Variants in GRSF1 observed in about 807,000 individuals in gnomAD.
GRSF1 encodes the protein G-rich RNA sequence binding factor 1, also known as G-rich sequence factor 1.
GRSF1 carries 50 observed loss-of-function variants against 51.1 expected under a neutral mutation model. That is an observed-to-expected ratio of 0.98 (90% CI 0.78 to 1.24). The LOEUF is 1.24. Among genes scored for constraint, GRSF1 ranks in the 50% most tolerant of loss-of-function variants. GRSF1 has a pLI of 0.00. For synonymous variants in GRSF1, 293 were observed against 253.3 expected, an observed-to-expected ratio of 1.16 and a Z score of -1.49; for missense variants, 700 against 639.7, an observed-to-expected ratio of 1.09 and a Z score of -1.02.
At chr4:70,838,465 G>T (rs1398933441) in intron 1 of GRSF1, among the ~76,000 whole-genome samples, 6 of 152,120 alleles carry the variant, frequency 3.9e-5, no homozygotes, top group Non-Finnish European at 8.8e-5. Context: ...GTAAAGTATT[G>T]GGCCAGGATT....
At chr4:70,840,484 G>A (rs557084121), upstream of GRSF1, among the ~76,000 whole-genome samples, 147 of 152,260 alleles carry the variant, frequency 9.7e-4, no homozygotes, top group African/African-American at 3.2e-3. Flanking sequence ...AAATTAGGTC[G>A]GACGCGGTGG....
intron 8 of GRSF1, 73 bp from the exon 9 acceptor site, chr4:70,824,441 G>C: frequency 1.3e-6 from 1 of 787,878 alleles, no homozygotes; most frequent in Non-Finnish European, 2.2e-6. Flanking sequence ...TTTTCTCACA[G>C]TTCAGACAGC....
Position 70,827,839 on chromosome 4 carries a change from G to C in GRSF1, c.1135+13C>G, listed in dbSNP as rs761750302. ...ATAGACCCAATGAGTCTCAAGAAGA[G>C]GCAGGACCTTACCTATTTCCTTCTC... is the stretch of plus-strand genomic sequence containing the variant. On this transcript the variant is annotated intron_variant, in intron 6 of 9. Coordinates refer to ENST00000254799, the MANE Select transcript of GRSF1 (RefSeq NM_002092.4). 4 of 1,583,142 alleles carry C rather than the reference G, an allele frequency of 2.5e-6. No individual in the cohort carries two copies. The African/African-American group carries it at 4.1e-5, about 16-fold the overall frequency.
chr4:70,842,112 A>G (rs909814476), upstream of GRSF1, among the ~76,000 whole-genome samples: 4 of 152,164 alleles, frequency 2.6e-5, no homozygotes, highest in African/African-American at 9.7e-5. Flanking sequence ...GGACCCACCA[A>G]TGCCAGCAGC....
chr4:70,838,078 G>A lies in GRSF1; in HGVS notation c.357+1393C>T, dbSNP rs1013071856. On this transcript the variant is annotated intron_variant, in intron 1 of 9. Transcript: ENST00000254799. ...ACTAAAAATACAAAAAATTAGCTGGGCGCAGTGGCGGGCGCCTGTAGTCCC... is the reference window on the plus strand; with the variant it reads ...ACTAAAAATACAAAAAATTAGCTGGACGCAGTGGCGGGCGCCTGTAGTCCC... 3.2e-4 allele frequency among the ~76,000 whole-genome samples: 48 copies of A among 151,814 alleles called. 3 individuals are homozygous for A. Among genetic ancestry groups the A allele is most frequent in the African/African-American group, 4.8e-5 (2 of 41,358 alleles).
At position 70,816,363 on chromosome 4, in the gene GRSF1, AAAG is replaced by A. The variant is rs1733307891; in HGVS notation, c.*4521_*4523del. The A allele has an allele frequency of 6.6e-6, 1 of 151,742 alleles. No individual in the cohort carries two copies. The highest frequency in any genetic ancestry group is 2.4e-5 in the African/African-American group (1 of 41,354). The allele number at this position is 151,742 out of a possible 1,614,324, so 9.4% of individuals were successfully genotyped here. A position where few individuals can be genotyped will look rare whatever the true frequency, so the allele number is the denominator to read the frequency against. On this transcript the variant is annotated 3_prime_UTR_variant, in exon 10 of 10. Transcript: ENST00000254799. ...CTCCATCTCAAAAAAAAAAAAAAAA[AAAG>A]AAAAAACCTCATCAAATGATACACT...
chr4:70,841,590 T>C (rs1734459595), upstream of GRSF1, among the ~76,000 whole-genome samples: 1 of 152,230 alleles, frequency 6.6e-6, no homozygotes, highest in Non-Finnish European at 1.5e-5. Flanking sequence ...TTTTCAGTCT[T>C]GTTTCATCTA....
chr4:70,842,664 C>G (rs1473104623), upstream of GRSF1, among the ~76,000 whole-genome samples: 3 of 152,160 alleles, frequency 2.0e-5, no homozygotes, highest in African/African-American at 7.2e-5. Flanking sequence ...CCTAACAGAT[C>G]ATCACTACAA....
At chr4:70,831,488 A>G (rs189233324) in intron 5 of GRSF1, 51 bp downstream of exon 5, 1,810 of 1,531,700 alleles carry the variant, frequency 1.2e-3, no homozygotes, top group Admixed American at 3.5e-3. Context: ...ACATTCATCA[A>G]AATGACTTAA....
At position 70,833,062 on chromosome 4, in the gene GRSF1, A is replaced by G. The variant is rs1734052085; in HGVS notation, c.670+56T>C. The G allele has an allele frequency of 4.7e-6, 7 of 1,486,296 alleles. No individual in the cohort carries two copies. In the African/African-American group the frequency reaches 8.4e-5, roughly 18 times the overall value. 92.1% of individuals were successfully genotyped at this position (1,486,296 alleles called of 1,614,324 possible). ...TAAGGATCAAATAAAAACTACCTTG[A>G]AAAGTATAAAACCTAATGCAATGAT... On this transcript the variant is annotated intron_variant, in intron 3 of 9. Coordinates refer to ENST00000254799, the MANE Select transcript of GRSF1 (RefSeq NM_002092.4).
intron 2 of GRSF1, 23 bp from the exon 3 acceptor site, chr4:70,833,296 A>C: frequency 6.2e-7 from 1 of 1,604,050 alleles, no homozygotes; most frequent in Middle Eastern, 1.7e-4. Context: ...GAGCAAAATC[A>C]ATTGAAAACA....
chr4:70,841,401 A>G (rs1351529112), upstream of GRSF1, among the ~76,000 whole-genome samples: 1 of 152,244 alleles, frequency 6.6e-6, no homozygotes, highest in African/African-American at 2.4e-5. Flanking sequence ...GCACACACAT[A>G]CACAAAGACT....
intron 3 of GRSF1, among the ~76,000 whole-genome samples, chr4:70,832,706 G>C (rs1374755973): frequency 6.6e-6 from 1 of 152,224 alleles, no homozygotes; most frequent in Non-Finnish European, 1.5e-5. Flanking sequence ...CCAGAACTTT[G>C]GGAGGCCAAG....
chr4:70,817,437 T>C lies in GRSF1; in HGVS notation c.*3450A>G, dbSNP rs1733354047. The C allele has an allele frequency of 6.6e-6, 1 of 152,144 alleles. No individual in the cohort carries two copies. Among genetic ancestry groups the C allele is most frequent in the African/African-American group, 2.4e-5 (1 of 41,414 alleles). The allele number at this position is 152,144 out of a possible 1,614,324, so 9.4% of individuals were successfully genotyped here. On this transcript the variant is annotated 3_prime_UTR_variant, in exon 10 of 10. Coordinates refer to ENST00000254799, the MANE Select transcript of GRSF1 (RefSeq NM_002092.4). The stretch of plus-strand genomic sequence containing the variant: ...TAAACCTTCCTTCCTATACTTCCTT[T>C]CTAAAAATAAGAAAACCACTAGAAC...
chr4:70,840,437 G>A (rs1018886602), upstream of GRSF1, among the ~76,000 whole-genome samples: 2 of 152,108 alleles, frequency 1.3e-5, no homozygotes, highest in African/African-American at 2.4e-5. Context: ...ACCAACCTAG[G>A]CAACACGGTG....
upstream of GRSF1, chr4:70,839,893 A>G: frequency 7.2e-7 from 1 of 1,396,266 alleles, no homozygotes; most frequent in African/African-American, 1.5e-5. Context: ...ACGGAAGTGG[A>G]ATCCAGGGCC....
Position 70,836,227 on chromosome 4 carries a change from C to T in GRSF1, c.445G>A (p.Val149Ile). 1 of 1,610,166 alleles carries T rather than the reference C, an allele frequency of 6.2e-7. No homozygotes were observed. ...PSKLEEEVDD[V>I]FLIRAQGLPW... ...AGTCCTTGAGCTCGAATGAGAAAGA[C>T]ATCATCCACTTCCTCTTCTAACTTG... The change falls in exon 2 of 10, where the codon GTC (valine) becomes ATC (isoleucine). Residue 149 changes from valine to isoleucine, a missense_variant. Val to Ile is a conservative substitution (Grantham distance 29, BLOSUM62 3). Coordinates refer to ENST00000254799, the MANE Select transcript of GRSF1 (RefSeq NM_002092.4).
rs769030622 is a variant in GRSF1 at position 70,831,600 on chromosome 4, A to T, written c.889T>A (p.Phe297Ile). The change falls in exon 5 of 10, where the codon TTT (phenylalanine) becomes ATT (isoleucine). Residue 297 changes from phenylalanine to isoleucine, a missense_variant. Physicochemically the swap from Phe to Ile is conservative, Grantham distance 21. Transcript: ENST00000254799. ...TGGTTGGCCATTTCTGGTTCTTCAA[A>T]TTGCACATAGGCTTCCCCTGTTTTT... ...RRKTGEAYVQFEEPEMANQAL... is the reference protein window; with the variant it reads ...RRKTGEAYVQIEEPEMANQAL... 1 of 1,613,750 alleles carries T rather than the reference A, an allele frequency of 6.2e-7. No individual in the cohort carries two copies. Among genetic ancestry groups the T allele is most frequent in the South Asian group, 1.1e-5 (1 of 91,084 alleles).
At chr4:70,826,553 A>G (rs1733745268) in intron 6 of GRSF1, among the ~76,000 whole-genome samples, 1 of 152,012 alleles carries the variant, frequency 6.6e-6, no homozygotes, top group African/African-American at 2.4e-5. Flanking sequence ...AAAAAAAAGA[A>G]CAAAGGCTGG....
Sources: gnomAD v4.1 joint callset for allele counts (sites outside exome capture counted in the v4.1 genomes callset) on GRCh38, gnomAD v4.1.1 for gene constraint, MANE v1.5 for transcripts, NCBI Gene and HGNC (gene_info 2026-07-23, HGNC 2026-07-21) for gene names.